Variants in ATN1 observed in about 807,000 individuals in gnomAD.
ATN1 encodes atrophin 1.
Under a neutral mutation model 85.8 loss-of-function variants are expected in ATN1, and 19 were observed. That is an observed-to-expected ratio of 0.22 (90% confidence interval 0.15 to 0.32). The LOEUF is 0.32. Among genes scored for constraint, ATN1 ranks in the 10% least tolerant of loss-of-function variants. ATN1 has a pLI of 1.00. For synonymous variants in ATN1, 674 were observed against 657.0 expected (o/e 1.03, Z -0.39); for missense variants, 1,453 against 1,564.5 (o/e 0.93, Z 1.20).
chr12:6,928,985 G>A (rs927184132), intron 1 of ATN1, among the ~76,000 whole-genome samples: 1 of 152,176 alleles, frequency 6.6e-6, no homozygotes, highest in Non-Finnish European at 1.5e-5. Flanking sequence ...TTTTTGAGAA[G>A]AGCCGGAGGT....
At chr12:6,931,736 A>G (rs1166102328) in intron 1 of ATN1, among the ~76,000 whole-genome samples, 1 of 150,080 alleles carries the variant, frequency 6.7e-6, no homozygotes, top group Non-Finnish European at 1.5e-5. Context: ...AAAAGGAAAA[A>G]AAAAGAAAAC....
In ATN1 at chr12:6,935,130, C is replaced by G. The variant is rs182164888; in HGVS notation, c.280-417C>G. ...TTGGAACTCCTGGCATCAAGTGATC[C>G]GCCCGCTTCAGCTTCCCAAAGTGCT... On this transcript the variant is annotated intron_variant, in intron 4 of 9. Coordinates refer to ENST00000396684, the MANE Select transcript of ATN1 (RefSeq NM_001940.4). This position sits in a 1 kb window ranked among gnomAD's most constrained non-coding sequence, Gnocchi z 5.3. 6.6e-6 allele frequency among the ~76,000 whole-genome samples: 1 copy of G among 152,156 alleles called. No individual in the cohort carries two copies. The highest frequency in any genetic ancestry group is 1.5e-5 in the Non-Finnish European group (1 of 68,040).
At position 6,936,568 on chromosome 12, in the gene ATN1, C is replaced by T. The variant is rs1945536756; in HGVS notation, c.1301C>T (p.Ser434Phe). 2 of 1,611,814 alleles carry T rather than the reference C, an allele frequency of 1.2e-6. No individual in the cohort carries two copies. Among genetic ancestry groups the T allele is most frequent in the East Asian group, 2.2e-5 (1 of 44,796 alleles). ...AAGTATACTCAGCCTTCTCTCCCAT[C>T]CCAGGCTGTGTGGAGCCAGGGTCCC... ...PPKYTQPSLPSQAVWSQGPPP... is the reference protein window; with the variant it reads ...PPKYTQPSLPFQAVWSQGPPP... The change falls in exon 5 of 10, where the codon TCC becomes TTC. Residue 434 changes from serine (S) to phenylalanine (F), a missense_variant. By Grantham distance (155) the Ser-to-Phe change is radical. Transcript: ENST00000396684.
upstream of ATN1, among the ~76,000 whole-genome samples, chr12:6,926,796 G>A (rs1945403202): frequency 6.6e-6 from 1 of 151,934 alleles, no homozygotes; most frequent in Non-Finnish European, 1.5e-5. Flanking sequence ...TCCCATCCAT[G>A]ATCTTTCCTC....
chr12:6,924,692 C>T (rs1374322534), upstream of ATN1, among the ~76,000 whole-genome samples: 3 of 152,206 alleles, frequency 2.0e-5, no homozygotes, highest in African/African-American at 7.2e-5. Context: ...GCCCCCTTTC[C>T]ATTTCTGTGC....
At chr12:6,931,715 CAA>C (rs1197799382) in intron 1 of ATN1, among the ~76,000 whole-genome samples, 14 of 57,408 alleles carry the variant, frequency 2.4e-4, no homozygotes, top group Admixed American at 6.5e-4. Flanking sequence ...AGATCCATCT[CAA>C]AAAAAAAAAA....
In ATN1 at chr12:6,934,038, A is replaced by C. The variant is rs2099772208; in HGVS notation, c.27+10A>C. ...ACAGAATAAAGACTCGGTGAGTTAA[A>C]ATGAGAGACATGAAAGATGAGGGGC... is the stretch of plus-strand genomic sequence containing the variant. On this transcript the variant is annotated intron_variant, in intron 2 of 9. Coordinates refer to ENST00000396684, the MANE Select transcript of ATN1 (RefSeq NM_001940.4). The surrounding 1 kb of genome is among the most constrained non-coding windows in gnomAD (Gnocchi z 4.5). The C allele has an allele frequency of 1.2e-6, 2 of 1,610,160 alleles. No individual in the cohort carries two copies. Among genetic ancestry groups the C allele is most frequent in the Admixed American group, 1.7e-5 (1 of 59,190 alleles).
In ATN1 at chr12:6,938,936, T is replaced by C. The variant is rs1945596138; in HGVS notation, c.2973T>C (p.Phe991=). ...CACCTGGCCTGCACCCTTTCCCCTTTCATCCGAGCCTGGGGCCCCTGGAGC... is the reference window on the plus strand; with the variant it reads ...CACCTGGCCTGCACCCTTTCCCCTTCCATCCGAGCCTGGGGCCCCTGGAGC... ...PGPPGLHPFP[F]HPSLGPLERE... Residue 991 remains phenylalanine (F), a synonymous_variant, in exon 7 of 10, where the codon TTT becomes TTC. Coordinates refer to ENST00000396684, the MANE Select transcript of ATN1 (RefSeq NM_001940.4). 1 of 1,613,916 alleles carries C rather than the reference T, an allele frequency of 6.2e-7. No individual in the cohort carries two copies. Among genetic ancestry groups the C allele is most frequent in the Non-Finnish European group, 8.5e-7 (1 of 1,179,982 alleles).
Position 6,935,808 on chromosome 12 carries a change from G to A in ATN1, c.541G>A (p.Ala181Thr). The A allele has an allele frequency of 1.2e-6, 2 of 1,613,838 alleles. No homozygotes were observed. Among genetic ancestry groups the A allele is most frequent in the Non-Finnish European group, 1.7e-6 (2 of 1,179,864 alleles). ...PPDSTPRQPE[A>T]SFEPHPSVTP... ...AGACAGCACCCCTCGACAGCCAGAGGCTAGCTTTGAACCCCATCCTTCTGT... is the reference window on the plus strand; with the variant it reads ...AGACAGCACCCCTCGACAGCCAGAGACTAGCTTTGAACCCCATCCTTCTGT... The change falls in exon 5 of 10, where the codon GCT becomes ACT. Residue 181 changes from alanine (A) to threonine (T), a missense_variant. Transcript: ENST00000396684. This position sits in a 1 kb window ranked among gnomAD's most constrained non-coding sequence, Gnocchi z 5.3.
chr12:6,930,597 C>T (rs2061245997), intron 1 of ATN1, among the ~76,000 whole-genome samples: 1 of 152,086 alleles, frequency 6.6e-6, no homozygotes, highest in Non-Finnish European at 1.5e-5. Context: ...CGATTGAGAC[C>T]ATCCTGGCTA....
intron 7 of ATN1, among the ~76,000 whole-genome samples, chr12:6,939,799 C>T (rs1259236326): frequency 1.3e-5 from 2 of 152,168 alleles, no homozygotes; most frequent in African/African-American, 2.4e-5. Context: ...CCACCGTGCC[C>T]AACCCACAAA....
In ATN1 at chr12:6,940,906, G is replaced by A; in HGVS notation, c.3241G>A (p.Asp1081Asn). 6.2e-7 allele frequency: 1 copy of A among 1,614,080 alleles called. No homozygotes were observed. Among genetic ancestry groups the A allele is most frequent in the Non-Finnish European group, 8.5e-7 (1 of 1,180,012 alleles). The change falls in exon 8 of 10, where the codon GAC (aspartate) becomes AAC (asparagine). Residue 1081 changes from aspartate (D) to asparagine (N), a missense_variant. By Grantham distance (23) the Asp-to-Asn change is conservative. Transcript: ENST00000396684. The stretch of plus-strand genomic sequence containing the variant: ...CTCTGCCTCGGTGCACCCTCTCATT[G>A]ACCCCCTGGCCTCAGGGTCTCACCT... The part of the protein sequence containing the change: ...AASASVHPLI[D>N]PLASGSHLTR...
At chr12:6,930,564 G>A (rs1166038423) in intron 1 of ATN1, among the ~76,000 whole-genome samples, 1 of 152,194 alleles carries the variant, frequency 6.6e-6, no homozygotes, top group Non-Finnish European at 1.5e-5. Context: ...GGGAGGCTGA[G>A]GCGGGCGGAT....
chr12:6,937,015 A>C lies in ATN1; in HGVS notation c.1748A>C (p.Tyr583Ser), dbSNP rs1224747135. ...NSSSSTSQGS[Y>S]PCSHPSPSQG... ...TCCTCTTCCACTTCTCAAGGGTCCT[A>C]CCCATGTTCACACCCCTCCCCTTCC... The change falls in exon 5 of 10, where the codon TAC becomes TCC. Residue 583 changes from tyrosine to serine, a missense_variant. Physicochemically the swap from Tyr to Ser is moderately radical, Grantham distance 144. This residue lies in a region of ATN1 where 990 missense variants were observed against 914.8 expected (regional missense o/e 1.08). Coordinates refer to ENST00000396684, the MANE Select transcript of ATN1 (RefSeq NM_001940.4). This position sits in a 1 kb window ranked among gnomAD's most constrained non-coding sequence, Gnocchi z 6.0. 6.2e-7 allele frequency: 1 copy of C among 1,612,980 alleles called. No homozygotes were observed. Among genetic ancestry groups the C allele is most frequent in the Middle Eastern group, 1.6e-4 (1 of 6,078 alleles).
Position 6,933,899 on chromosome 12 carries a change from C to A in ATN1, c.-103C>A. On this transcript the variant is annotated 5_prime_UTR_variant, in exon 2 of 10. Transcript: ENST00000396684. The stretch of plus-strand genomic sequence containing the variant: ...GTGCCCACACTGGAAACTTGGAGAT[C>A]CTGCTTCCCAGACCACAGCTGTGGG... 7.0e-7 allele frequency: 1 copy of A among 1,434,758 alleles called. No homozygotes were observed. Among genetic ancestry groups the A allele is most frequent in the South Asian group, 1.2e-5 (1 of 80,582 alleles). 88.9% of individuals were successfully genotyped at this position (1,434,758 alleles called of 1,614,324 possible).
chr12:6,930,669 G>A (rs1591659191), intron 1 of ATN1, among the ~76,000 whole-genome samples: 1 of 152,236 alleles, frequency 6.6e-6, no homozygotes, highest in Non-Finnish European at 1.5e-5. Context: ...GGTGGCGGGC[G>A]CCTGTAGTCC....
At chr12:6,938,406 C>T in intron 6 of ATN1, 75 bp from the exon 7 acceptor site, 1 of 1,492,848 alleles carries the variant, frequency 6.7e-7, no homozygotes, top group African/African-American at 1.4e-5. Flanking sequence ...GCTGTCGAAA[C>T]AAATGGGCAG....
chr12:6,936,061 C>G lies in ATN1; in HGVS notation c.794C>G (p.Ser265Cys). 6.4e-7 allele frequency: 1 copy of G among 1,560,722 alleles called. No homozygotes were observed. The highest frequency in any genetic ancestry group is 8.7e-7 in the Non-Finnish European group (1 of 1,154,274). Residue 265 changes from serine (S) to cysteine (C), a missense_variant, in exon 5 of 10, where the codon TCT becomes TGT. Ser to Cys is a moderately radical substitution (Grantham distance 112, BLOSUM62 -1). Transcript: ENST00000396684. ...PPTTPISVSS[S>C]GASGAPPTKP... Reference sequence around the variant, plus strand: ...ACTACTCCCATTTCAGTATCAAGCTCTGGGGCTAGTGGTGCTCCCCCAACA... The same window carrying G: ...ACTACTCCCATTTCAGTATCAAGCTGTGGGGCTAGTGGTGCTCCCCCAACA...
Position 6,940,937 on chromosome 12 carries a change from G to A in ATN1, c.3272G>A (p.Arg1091Gln), listed in dbSNP as rs1555144546. 3.1e-6 allele frequency: 5 copies of A among 1,614,092 alleles called. No individual in the cohort carries two copies. The highest frequency in any genetic ancestry group is 1.3e-5 in the African/African-American group (1 of 74,988). The change falls in exon 8 of 10, where the codon CGG becomes CAG. Residue 1091 changes from arginine to glutamine, a missense_variant. By Grantham distance (43) the Arg-to-Gln change is conservative. Around this residue, in one of 6 missense-constraint regions of ATN1, gnomAD observed 118 missense variants for 163.7 expected, o/e 0.72. Transcript: ENST00000396684. Reference protein sequence around the residue: ...DPLASGSHLTRIPYPAGTLPN... With the variant: ...DPLASGSHLTQIPYPAGTLPN... Reference sequence around the variant, plus strand: ...CTGGCCTCAGGGTCTCACCTTACCCGGATCCCCTACCCAGCTGGAACTCTC... The same window carrying A: ...CTGGCCTCAGGGTCTCACCTTACCCAGATCCCCTACCCAGCTGGAACTCTC...
Sources: gnomAD v4.1 joint callset for allele counts (sites outside exome capture counted in the v4.1 genomes callset) on GRCh38, gnomAD v4.1.1 for gene constraint, gnomAD v4.1.1 regional missense constraint, Gnocchi (gnomAD v3.1) non-coding constraint, MANE v1.5 for transcripts, NCBI Gene and HGNC (gene_info 2026-07-23, HGNC 2026-07-21) for gene names.